PTPRD: variants seen among roughly 807,000 people sequenced by gnomAD.
PTPRD encodes the protein protein tyrosine phosphatase receptor type D, also known as receptor-type tyrosine-protein phosphatase delta.
PTPRD carries 34 observed loss-of-function variants against 214.5 expected under a neutral mutation model. That is an observed-to-expected ratio of 0.16 (90% confidence interval 0.12 to 0.21). The LOEUF is 0.21. Ranked by LOEUF, PTPRD falls within the 10% of genes least tolerant of loss-of-function variation. PTPRD has a pLI of 1.00. For synonymous variants in PTPRD, 1,128 were observed against 845.7 expected (o/e 1.33, Z -5.79); for missense variants, 2,545 against 2,398.7 (o/e 1.06, Z -1.27).
rs2130705997 is a variant in PTPRD, at chr9:8,319,875, C to G, written c.5626G>C (p.Val1876Leu). 6.2e-7 allele frequency: 1 copy of G among 1,613,014 alleles called. No homozygotes were observed. Among genetic ancestry groups the G allele is most frequent in the Non-Finnish European group, 8.5e-7 (1 of 1,179,398 alleles). The change falls in exon 45 of 46, where the codon GTC (valine) becomes CTC (leucine). Residue 1876 changes from valine (V) to leucine (L), a missense_variant. Physicochemically the swap from Val to Leu is conservative, Grantham distance 32 (BLOSUM62 1). Coordinates refer to ENST00000381196, the MANE Select transcript of PTPRD (RefSeq NM_002839.4). ...YEGVVDIFQTVKMLRTQRPAM... is the reference protein window; with the variant it reads ...YEGVVDIFQTLKMLRTQRPAM... ...GGTCGTTGTGTTCTTAACATTTTGA[C>G]AGTCTGGAAGATATCTACAACTCCT...
intron 9 of PTPRD, among the ~76,000 whole-genome samples, chr9:9,262,094 G>C (rs1171049510): frequency 6.6e-6 from 1 of 151,392 alleles, no homozygotes; most frequent in Middle Eastern, 3.2e-3. Context: ...TATATACTGG[G>C]GTGTCCCACA....
chr9:8,763,385 A>C (rs1289835318), intron 11 of PTPRD, among the ~76,000 whole-genome samples: 2 of 152,016 alleles, frequency 1.3e-5, no homozygotes, highest in African/African-American at 4.8e-5. Context: ...ATGGTGGCTC[A>C]TGCCTGTAAT....
At chr9:8,473,686 G>GAA (rs368967077) in intron 30 of PTPRD, among the ~76,000 whole-genome samples, 7 of 149,510 alleles carry the variant, frequency 4.7e-5, no homozygotes, top group East Asian at 2.0e-4. Flanking sequence ...TCTTGTACAT[G>GAA]AAAAAAAAAA....
At chr9:8,982,588 G>GA (rs59530052) in intron 11 of PTPRD, among the ~76,000 whole-genome samples, 5,746 of 146,354 alleles carry the variant, frequency 0.039, 198 homozygotes, top group African/African-American at 0.088. Flanking sequence ...GGAAAGGACA[G>GA]AAAAAAAAAT....
intron 35 of PTPRD, among the ~76,000 whole-genome samples, chr9:8,418,219 C>CTTTTT (rs370640821): frequency 2.7e-5 from 4 of 150,186 alleles, no homozygotes; most frequent in African/African-American, 9.8e-5. Context: ...CTTTCTTATC[C>CTTTTT]TTTTCTTTTT....
chr9:10,288,523 C>G (rs765970099), intron 3 of PTPRD, among the ~76,000 whole-genome samples: 15 of 152,008 alleles, frequency 9.9e-5, no homozygotes, highest in Non-Finnish European at 2.1e-4. Context: ...CATGAAAGAA[C>G]AAAAATCTGC....
intron 11 of PTPRD, among the ~76,000 whole-genome samples, chr9:8,755,218 TA>T (rs377583048): frequency 1.4e-3 from 192 of 134,042 alleles, no homozygotes; most frequent in East Asian, 1.9e-3. Flanking sequence ...ATGTTATTAT[TA>T]AAAAAAAAAA....
chr9:9,088,608 A>AT (rs2099771053), intron 10 of PTPRD, among the ~76,000 whole-genome samples: 1 of 148,070 alleles, frequency 6.8e-6, no homozygotes, highest in Non-Finnish European at 1.5e-5. Flanking sequence ...AAAAAAAAAA[A>AT]AGAAGTCTGG....
intron 10 of PTPRD, among the ~76,000 whole-genome samples, chr9:9,082,918 A>C (rs901594368): frequency 4.6e-5 from 7 of 152,206 alleles, no homozygotes; most frequent in Admixed American, 1.3e-4. Context: ...AAACGAATGG[A>C]AAAACATTCC....
At chr9:9,958,025 T>C (rs1038495960) in intron 4 of PTPRD, among the ~76,000 whole-genome samples, 159 of 140,178 alleles carry the variant, frequency 1.1e-3, no homozygotes, top group Non-Finnish European at 2.2e-3. Flanking sequence ...CATTTGTGTA[T>C]GTGTAAGAGA....
intron 14 of PTPRD, among the ~76,000 whole-genome samples, chr9:8,576,445 T>C (rs1289307175): frequency 6.6e-6 from 1 of 152,150 alleles, no homozygotes; most frequent in Non-Finnish European, 1.5e-5. Context: ...CTTTATGTCT[T>C]TTCCAATGTT....
At chr9:8,369,087 A>C (rs1225914213) in intron 39 of PTPRD, among the ~76,000 whole-genome samples, 1 of 152,288 alleles carries the variant, frequency 6.6e-6, no homozygotes, top group East Asian at 1.9e-4. Flanking sequence ...GTTTGTCAGC[A>C]TCTCAAAACT....
chr9:9,142,054 G>A (rs982998749), intron 10 of PTPRD, among the ~76,000 whole-genome samples: 1 of 152,232 alleles, frequency 6.6e-6, no homozygotes, highest in African/African-American at 2.4e-5. Flanking sequence ...ACTGGGTGCT[G>A]ATAAAACTGA....
At chr9:9,911,377 T>C (rs931399592) in intron 5 of PTPRD, among the ~76,000 whole-genome samples, 3 of 150,510 alleles carry the variant, frequency 2.0e-5, no homozygotes, top group Non-Finnish European at 4.4e-5. Flanking sequence ...TGAATGCAAA[T>C]GTGCATGAAA....
chr9:8,774,251 G>A (rs937897032), intron 11 of PTPRD, among the ~76,000 whole-genome samples: 3 of 87,414 alleles, frequency 3.4e-5, no homozygotes, highest in African/African-American at 6.7e-5. Flanking sequence ...TTCAACGTCC[G>A]GATATCTTTT....
chr9:10,251,233 C>T lies in PTPRD; in HGVS notation c.-545+89730G>A, dbSNP rs577822133. On this transcript the variant is annotated intron_variant, in intron 3 of 45. Transcript: ENST00000381196. ...TGACCAGCACTATGCTAGGCACTTT[C>T]ATGTGAACATTATAAATTAGCCTTC... 3.3e-5 allele frequency among the ~76,000 whole-genome samples: 5 copies of T among 152,240 alleles called. No individual in the cohort carries two copies. The East Asian group carries it at 9.6e-4, about 29-fold the overall frequency.
intron 7 of PTPRD, among the ~76,000 whole-genome samples, chr9:9,720,925 G>A (rs987274412): frequency 2.0e-5 from 3 of 152,098 alleles, no homozygotes; most frequent in Admixed American, 6.5e-5. Context: ...AAAGTGGGAG[G>A]TAAATGTTAA....
intron 10 of PTPRD, among the ~76,000 whole-genome samples, chr9:9,073,740 A>G (rs145275571): frequency 6.6e-6 from 1 of 152,294 alleles, no homozygotes; most frequent in East Asian, 1.9e-4. Context: ...CTTAAAATAA[A>G]TCTCTGTATA....
At chr9:8,841,960 G>C (rs2097567295) in intron 11 of PTPRD, among the ~76,000 whole-genome samples, 3 of 151,354 alleles carry the variant, frequency 2.0e-5, no homozygotes, top group South Asian at 4.2e-4. Flanking sequence ...GCAGTGAGCA[G>C]AGATGGCCCC....
Sources: allele counts gnomAD v4.1 joint callset (sites outside exome capture counted in the v4.1 genomes callset), GRCh38; gene constraint gnomAD v4.1.1; transcripts MANE v1.5; gene names NCBI Gene and HGNC (gene_info 2026-07-23, HGNC 2026-07-21).